KHDRBS2: variants seen among roughly 807,000 people sequenced by gnomAD.
KHDRBS2 encodes the protein KH RNA binding domain containing, signal transduction associated 2, also known as KH domain-containing, RNA-binding, signal transduction-associated protein 2.
A neutral mutation model predicts 44.3 loss-of-function variants in KHDRBS2; 26 were observed. The observed-to-expected ratio is 0.59, with a 90% confidence interval of 0.43 to 0.81. The LOEUF (loss-of-function observed/expected upper bound fraction) is 0.81. Ranked by LOEUF, KHDRBS2 falls within the 40% of genes least tolerant of loss-of-function variation. The probability of loss-of-function intolerance (pLI) is 0.00; values close to 1 mark genes in which losing one functional copy is unlikely to be tolerated. For synonymous variants in KHDRBS2, 194 were observed against 151.1 expected (o/e 1.28, Z -2.08); for missense variants, 476 against 433.1 (o/e 1.10, Z -0.88).
the KHDRBS2 span, among the ~76,000 whole-genome samples, chr6:61,670,156 A>G: frequency 6.6e-6 from 1 of 151,346 alleles, no homozygotes; most frequent in African/African-American, 2.4e-5. Context: ...TTGAGAATGG[A>G]CTACTTTGTA....
chr6:61,562,507 T>G, the KHDRBS2 span, among the ~76,000 whole-genome samples: 2 of 152,020 alleles, frequency 1.3e-5, no homozygotes, highest in African/African-American at 2.4e-5. Context: ...TTTCTTAGAG[T>G]TTTTACTCTT....
At chr6:61,954,639 T>A (rs1212730226) in intron 4 of KHDRBS2, among the ~76,000 whole-genome samples, 9 of 125,268 alleles carry the variant, frequency 7.2e-5, no homozygotes, top group Admixed American at 3.1e-4. Context: ...TATATACACA[T>A]ACATACTTAT....
At chr6:62,275,042 C>CAT (rs1491027615) in intron 1 of KHDRBS2, among the ~76,000 whole-genome samples, 1 of 148,874 alleles carries the variant, frequency 6.7e-6, no homozygotes, top group South Asian at 2.1e-4. Flanking sequence ...CACACACACA[C>CAT]ATATATATTC....
chr6:62,208,965 C>T (rs868643931), intron 1 of KHDRBS2, among the ~76,000 whole-genome samples: 1 of 152,130 alleles, frequency 6.6e-6, no homozygotes, highest in Non-Finnish European at 1.5e-5. Context: ...TATATCACAC[C>T]ACAAGCTCAG....
intron 6 of KHDRBS2, among the ~76,000 whole-genome samples, chr6:61,830,023 T>C (rs1472719228): frequency 6.6e-6 from 1 of 152,218 alleles, no homozygotes; most frequent in Non-Finnish European, 1.5e-5. Context: ...TGTCTACTAC[T>C]CTGAATCTAT....
intron 6 of KHDRBS2, among the ~76,000 whole-genome samples, chr6:61,870,143 C>T (rs1798448086): frequency 6.6e-6 from 1 of 152,026 alleles, no homozygotes; most frequent in African/African-American, 2.4e-5. Flanking sequence ...TTGAAATTCT[C>T]GCTGCCAGCA....
At chr6:62,125,441 G>A (rs79109501) in intron 2 of KHDRBS2, among the ~76,000 whole-genome samples, 9,145 of 152,152 alleles carry the variant, frequency 0.06, 400 homozygotes, top group Non-Finnish European at 0.091. Flanking sequence ...GAAATTTCTG[G>A]GCAAGTCTTG....
intron 1 of KHDRBS2, among the ~76,000 whole-genome samples, chr6:62,227,982 T>TTTG (rs928168382): frequency 6.6e-6 from 1 of 152,206 alleles, no homozygotes; most frequent in African/African-American, 2.4e-5. Context: ...CCTGAAATTT[T>TTTG]TTGTTGTTGT....
intron 2 of KHDRBS2, among the ~76,000 whole-genome samples, chr6:62,112,248 C>T (rs62414561): frequency 6.6e-6 from 1 of 152,080 alleles, no homozygotes; most frequent in Non-Finnish European, 1.5e-5. Context: ...GACATTTATA[C>T]TTGCAAAATT....
At chr6:61,775,789 C>A (rs906892269) in intron 6 of KHDRBS2, among the ~76,000 whole-genome samples, 1 of 152,156 alleles carries the variant, frequency 6.6e-6, no homozygotes. Flanking sequence ...TTGGAAAAAA[C>A]TACTTTAAAT....
At chr6:61,597,427 C>A in the KHDRBS2 span, among the ~76,000 whole-genome samples, 2 of 151,864 alleles carry the variant, frequency 1.3e-5, no homozygotes, top group Non-Finnish European at 2.9e-5. Context: ...ACAAGGGACC[C>A]AAGAAATGGC....
chr6:61,719,483 A>G (rs1481851138), intron 7 of KHDRBS2, among the ~76,000 whole-genome samples: 1 of 152,028 alleles, frequency 6.6e-6, no homozygotes, highest in African/African-American at 2.4e-5. Flanking sequence ...AAAGGTTATC[A>G]GAACATGAAC....
At chr6:61,610,065 A>G in the KHDRBS2 span, among the ~76,000 whole-genome samples, 1 of 151,942 alleles carries the variant, frequency 6.6e-6, no homozygotes, top group Non-Finnish European at 1.5e-5. Flanking sequence ...AGTCCCAGCT[A>G]CTCGGGAGGC....
At chr6:61,610,698 C>T in the KHDRBS2 span, among the ~76,000 whole-genome samples, 2 of 152,182 alleles carry the variant, frequency 1.3e-5, no homozygotes, top group African/African-American at 4.8e-5. Context: ...AGAAGGAAAC[C>T]ACAATGTCCC....
At chr6:61,961,159 A>C (rs1344470055) in intron 4 of KHDRBS2, among the ~76,000 whole-genome samples, 1 of 152,104 alleles carries the variant, frequency 6.6e-6, no homozygotes, top group Non-Finnish European at 1.5e-5. Flanking sequence ...ATAGCTTTAC[A>C]ATAAACTTTC....
intron 6 of KHDRBS2, among the ~76,000 whole-genome samples, chr6:61,759,339 C>G (rs1435688355): frequency 6.6e-6 from 1 of 151,976 alleles, no homozygotes; most frequent in East Asian, 1.9e-4. Context: ...TTTTTGTGAT[C>G]CTTTATGTGC....
At chr6:61,775,093 C>T (rs56162232) in intron 6 of KHDRBS2, among the ~76,000 whole-genome samples, 1,631 of 152,088 alleles carry the variant, frequency 0.011, 29 homozygotes, top group African/African-American at 0.038. Context: ...ATTCAACAAC[C>T]CTTCATGCTA....
At chr6:62,075,497 G>A (rs562994726) in intron 2 of KHDRBS2, among the ~76,000 whole-genome samples, 3 of 152,012 alleles carry the variant, frequency 2.0e-5, no homozygotes, top group African/African-American at 4.8e-5. Context: ...AATTTTATAC[G>A]CACTTTAATG....
At chr6:61,839,937 A>G (rs1793338661) in intron 6 of KHDRBS2, among the ~76,000 whole-genome samples, 1 of 152,088 alleles carries the variant, frequency 6.6e-6, no homozygotes, top group African/African-American at 2.4e-5. Flanking sequence ...ATTAGAATGA[A>G]TATTTATGTT....
Sources: allele counts gnomAD v4.1 joint callset (sites outside exome capture counted in the v4.1 genomes callset), GRCh38; gene constraint gnomAD v4.1.1; transcripts MANE v1.5; gene names NCBI Gene and HGNC (gene_info 2026-07-23, HGNC 2026-07-21).